Variants in DLG2 observed in about 807,000 individuals in gnomAD.
DLG2 encodes the protein discs large MAGUK scaffold protein 2.
DLG2 carries 45 observed loss-of-function variants against 132.5 expected under a neutral mutation model. The ratio of observed to expected loss-of-function variants is 0.34; its 90% CI spans 0.27 to 0.44. The LOEUF (loss-of-function observed/expected upper bound fraction) is 0.44, where lower values mean the gene tolerates loss of function less well. DLG2 is among the 20% of genes least tolerant of loss of function. The pLI is 1.00. For missense variants in DLG2, 1,045 were observed against 1,196.9 expected, an observed-to-expected ratio of 0.87 and a Z score of 1.87; for synonymous variants, 424 against 419.6, an observed-to-expected ratio of 1.01 and a Z score of -0.13.
intron 3 of DLG2, among the ~76,000 whole-genome samples, chr11:85,406,750 C>G (rs2088784031): frequency 6.6e-6 from 1 of 151,696 alleles, no homozygotes; most frequent in African/African-American, 2.4e-5. Context: ...GTAAGTTAAA[C>G]AAAACAAAAA....
intron 2 of DLG2, among the ~76,000 whole-genome samples, chr11:85,625,570 T>C (rs958178917): frequency 1.3e-5 from 2 of 152,188 alleles, no homozygotes; most frequent in Non-Finnish European, 2.9e-5. Context: ...GATTATAAGT[T>C]TCCTCAACAT....
At chr11:84,657,795 A>G (rs1384151805) in intron 6 of DLG2, among the ~76,000 whole-genome samples, 1 of 152,190 alleles carries the variant, frequency 6.6e-6, no homozygotes, top group African/African-American at 2.4e-5. Context: ...CAACTGCAGG[A>G]TCTGCTTCCA....
chr11:85,321,560 G>A (rs574176684), intron 3 of DLG2, among the ~76,000 whole-genome samples: 3 of 152,162 alleles, frequency 2.0e-5, no homozygotes, highest in South Asian at 4.1e-4. Context: ...CTACAGGTGT[G>A]AGTCCTGGAA....
intron 18 of DLG2, among the ~76,000 whole-genome samples, chr11:83,654,131 G>A (rs1379569849): frequency 6.6e-6 from 1 of 152,114 alleles, no homozygotes; most frequent in African/African-American, 2.4e-5. Context: ...AGCAGTGATT[G>A]TGTTCTTTCC....
intron 18 of DLG2, among the ~76,000 whole-genome samples, chr11:83,709,093 C>A (rs1380182935): frequency 1.3e-5 from 2 of 151,932 alleles, no homozygotes; most frequent in Non-Finnish European, 2.9e-5. Flanking sequence ...AGGTAAGAGA[C>A]AAGTCTGAGT....
intron 3 of DLG2, among the ~76,000 whole-genome samples, chr11:85,488,387 TAA>T (rs574434031): frequency 3.6e-5 from 5 of 139,094 alleles, no homozygotes; most frequent in Non-Finnish European, 3.2e-5. Flanking sequence ...AGACTGCGTC[TAA>T]AAAAAAAAAA....
At chr11:84,947,128 A>G (rs2154100408) in intron 6 of DLG2, among the ~76,000 whole-genome samples, 1 of 152,238 alleles carries the variant, frequency 6.6e-6, no homozygotes, top group South Asian at 2.1e-4. Context: ...GCAATTCAAG[A>G]TGTCTTTGCT....
intron 3 of DLG2, among the ~76,000 whole-genome samples, chr11:85,306,526 A>AC (rs1828849707): frequency 6.6e-6 from 1 of 152,214 alleles, no homozygotes; most frequent in African/African-American, 2.4e-5. Flanking sequence ...AGCCCTTCCA[A>AC]CCCTTTAGGA....
At chr11:84,456,971 T>A (rs1776253628) in intron 7 of DLG2, among the ~76,000 whole-genome samples, 1 of 151,254 alleles carries the variant, frequency 6.6e-6, no homozygotes, top group Non-Finnish European at 1.5e-5. Flanking sequence ...TAAATTATTG[T>A]TTTTAGTTTA....
intron 6 of DLG2, among the ~76,000 whole-genome samples, chr11:84,869,450 G>T (rs1246839781): frequency 6.6e-6 from 1 of 152,108 alleles, no homozygotes; most frequent in Non-Finnish European, 1.5e-5. Flanking sequence ...AATTAGTGTG[G>T]CTCTGTCAAT....
At chr11:85,393,113 C>T (rs1351636284) in intron 3 of DLG2, among the ~76,000 whole-genome samples, 1 of 151,950 alleles carries the variant, frequency 6.6e-6, no homozygotes, top group Non-Finnish European at 1.5e-5. Flanking sequence ...CTACAAGAAA[C>T]TCAAATCAGC....
chr11:84,134,785 A>G (rs2094542648), intron 9 of DLG2, among the ~76,000 whole-genome samples: 1 of 151,784 alleles, frequency 6.6e-6, no homozygotes, highest in Non-Finnish European at 1.5e-5. Flanking sequence ...CAACTGATAT[A>G]TTTGTGGAGT....
chr11:83,797,737 C>G (rs947052446), intron 17 of DLG2, among the ~76,000 whole-genome samples: 1 of 152,070 alleles, frequency 6.6e-6, no homozygotes, highest in Non-Finnish European at 1.5e-5. Context: ...CCAGGATGGT[C>G]TCGATCTCCT....
At chr11:83,485,336 CT>C (rs936791009) in intron 21 of DLG2, among the ~76,000 whole-genome samples, 1 of 152,114 alleles carries the variant, frequency 6.6e-6, no homozygotes, top group Non-Finnish European at 1.5e-5. Context: ...TGTGGGGTTT[CT>C]CTTTGGGAAA....
intron 6 of DLG2, among the ~76,000 whole-genome samples, chr11:84,635,034 C>T (rs754969667): frequency 6.6e-6 from 1 of 152,218 alleles, no homozygotes; most frequent in Admixed American, 6.5e-5. Context: ...CAACAGGGGC[C>T]TCTGCAAAGA....
chr11:84,131,121 A>T (rs940601399), intron 9 of DLG2, among the ~76,000 whole-genome samples: 1 of 152,086 alleles, frequency 6.6e-6, no homozygotes, highest in East Asian at 1.9e-4. Context: ...TAGAGAAAAC[A>T]TAAGTGGTAA....
chr11:84,540,422 G>A (rs867467652), intron 6 of DLG2, among the ~76,000 whole-genome samples: 12 of 151,438 alleles, frequency 7.9e-5, no homozygotes, highest in Middle Eastern at 3.5e-3. Flanking sequence ...CATTTATGCA[G>A]CCAACAGACA....
intron 6 of DLG2, among the ~76,000 whole-genome samples, chr11:84,808,433 A>C (rs891631111): frequency 3.9e-5 from 6 of 152,008 alleles, no homozygotes; most frequent in Middle Eastern, 3.2e-3. Context: ...AGTAAAATAA[A>C]ACCAACGCGA....
intron 15 of DLG2, among the ~76,000 whole-genome samples, chr11:83,876,029 C>T (rs947751318): frequency 6.6e-6 from 1 of 152,156 alleles, no homozygotes; most frequent in Admixed American, 6.6e-5. Context: ...TTTCAATTGA[C>T]TAGTTGAAAA....
Sources: gnomAD v4.1 joint callset for allele counts (sites outside exome capture counted in the v4.1 genomes callset) on GRCh38, gnomAD v4.1.1 for gene constraint, MANE v1.5 for transcripts, NCBI Gene and HGNC (gene_info 2026-07-23, HGNC 2026-07-21) for gene names.